Variants in DDX1 observed in about 807,000 individuals in gnomAD.
DDX1 encodes the protein DEAD-box helicase 1.
In DDX1, 28 loss-of-function variants were observed where a neutral mutation model predicts 108.7. That is an observed-to-expected ratio of 0.26 (90% CI 0.19 to 0.35). DDX1 has a LOEUF of 0.35. Among genes scored for constraint, DDX1 ranks in the 10% least tolerant of loss-of-function variants. DDX1 has a pLI of 1.00. For synonymous variants in DDX1, 295 were observed against 288.9 expected, an observed-to-expected ratio of 1.02 and a Z score of -0.21; for missense variants, 710 against 884.5, an observed-to-expected ratio of 0.80 and a Z score of 2.50.
Position 15,613,227 on chromosome 2 carries a change from G to A in DDX1, c.960G>A (p.Glu320=). Residue 320 remains glutamate, a synonymous_variant, in exon 14 of 26, where the codon GAG becomes GAA. Coordinates refer to ENST00000233084, the MANE Select transcript of DDX1 (RefSeq NM_004939.3). ...ATCATCTTGATATTTATTTCAGGGA[G>A]CTTCTGATAATTGGAGGTGTTGCAG... ...KKYIDNPKLR[E]LLIIGGVAAR... is the part of the protein sequence containing the mutation. 2 of 1,590,016 alleles carry A rather than the reference G, an allele frequency of 1.3e-6. No homozygotes were observed. The highest frequency in any genetic ancestry group is 1.7e-6 in the Non-Finnish European group (2 of 1,169,362).
chr2:15,608,154 G>C (rs1665695323), intron 13 of DDX1, among the ~76,000 whole-genome samples: 1 of 152,106 alleles, frequency 6.6e-6, no homozygotes, highest in Non-Finnish European at 1.5e-5. Flanking sequence ...TAGTCAATTT[G>C]ACACTTGATT....
intron 13 of DDX1, among the ~76,000 whole-genome samples, chr2:15,611,394 G>A (rs1381767173): frequency 6.6e-6 from 1 of 150,906 alleles, no homozygotes; most frequent in African/African-American, 2.5e-5. Context: ...TCAATGAGCT[G>A]CCGGGCACAC....
At chr2:15,620,580 G>A (rs889588275) in intron 17 of DDX1, among the ~76,000 whole-genome samples, 184 bp downstream of exon 17, 1 of 152,106 alleles carries the variant, frequency 6.6e-6, no homozygotes, top group African/African-American at 2.4e-5. Flanking sequence ...TTGTTTTTCT[G>A]TCTTCGTAAT....
At chr2:15,620,451 G>A (rs1665984317) in intron 17 of DDX1, 55 bp downstream of exon 17, 4 of 1,398,258 alleles carry the variant, frequency 2.9e-6, no homozygotes, top group Admixed American at 2.2e-5. Context: ...TATAAACTAG[G>A]TCAGCCTTGG....
intron 8 of DDX1, 142 bp downstream of exon 8, chr2:15,603,417 C>G (rs1001226047): frequency 1.7e-5 from 11 of 647,354 alleles, no homozygotes; most frequent in African/African-American, 7.4e-5. Context: ...TGTACCCCAC[C>G]CTGTTCCAAA....
chr2:15,621,123 TA>T lies in DDX1; in HGVS notation c.1447+11del. ...CCTGGTGCTAATAGTCCAGGTGAGT[TA>T]AAAGAGTCAAATGTGTTGAAAGATT... On this transcript the variant is annotated splice_region_variant and intron_variant, in intron 18 of 25. Transcript: ENST00000233084. 1 of 1,597,048 alleles carries T rather than the reference TA, an allele frequency of 6.3e-7. No homozygotes were observed.
intron 24 of DDX1, 104 bp from the exon 25 acceptor site, chr2:15,629,886 A>G: frequency 4.9e-6 from 6 of 1,219,030 alleles, no homozygotes; most frequent in Non-Finnish European, 6.9e-6. Flanking sequence ...TCTGACTTCC[A>G]TTTATACCAA....
chr2:15,624,316 C>A (rs1666062450), intron 19 of DDX1, among the ~76,000 whole-genome samples: 2 of 152,088 alleles, frequency 1.3e-5, no homozygotes, highest in Non-Finnish European at 2.9e-5. Flanking sequence ...ATCCAAGCTA[C>A]AATGGAAGTA....
At chr2:15,596,134 G>C (rs1665493525) in intron 3 of DDX1, among the ~76,000 whole-genome samples, 1 of 152,084 alleles carries the variant, frequency 6.6e-6, no homozygotes, top group Admixed American at 6.6e-5. Flanking sequence ...CGATCCTCCT[G>C]TCTTGGCCTC....
rs537023761 is a variant in DDX1, at chr2:15,630,898, A to T, written c.2215A>T (p.Thr739Ser). ...CTACCTTCCTAACCAGCTGTTCAGA[A>T]CCTTCTGATTTTTACATTTACTGAA... ...LGYLPNQLFRTF is the reference protein window; with the variant it reads ...LGYLPNQLFRSF The change falls in exon 26 of 26, where the codon ACC becomes TCC. Residue 739 changes from threonine to serine, a missense_variant. Transcript: ENST00000233084. The T allele has an allele frequency of 1.2e-6, 2 of 1,613,908 alleles. No individual in the cohort carries two copies. Among genetic ancestry groups the T allele is most frequent in the Non-Finnish European group, 1.7e-6 (2 of 1,179,864 alleles).
intron 15 of DDX1, 27 bp downstream of exon 15, chr2:15,617,369 TA>T (rs1279886914): frequency 2.2e-6 from 3 of 1,389,292 alleles, no homozygotes; most frequent in Non-Finnish European, 3.0e-6. Flanking sequence ...TCATACTTTT[TA>T]AAAAGTTTAC....
At chr2:15,603,939 C>A in intron 9 of DDX1, 49 bp downstream of exon 9, 1 of 1,192,180 alleles carries the variant, frequency 8.4e-7, no homozygotes, top group Non-Finnish European at 1.2e-6. Flanking sequence ...AGTTTTCTTG[C>A]ATACTTAATC....
At chr2:15,615,077 A>T (rs1665871197) in intron 14 of DDX1, among the ~76,000 whole-genome samples, 1 of 152,148 alleles carries the variant, frequency 6.6e-6, no homozygotes, top group South Asian at 2.1e-4. Context: ...TATGATCTTT[A>T]TCTGTTCTTC....
Position 15,596,723 on chromosome 2 carries a change from C to T in DDX1, c.133-11C>T. On this transcript the variant is annotated splice_polypyrimidine_tract_variant and intron_variant, in intron 3 of 25. Coordinates refer to ENST00000233084, the MANE Select transcript of DDX1 (RefSeq NM_004939.3). The stretch of plus-strand genomic sequence containing the variant: ...TTAATCTGTAAAATCAACTTTTTTC[C>T]CCTCATTCAGGCTGCAGAAACAGGA... The T allele has an allele frequency of 6.2e-7, 1 of 1,609,188 alleles. No individual in the cohort carries two copies. The highest frequency in any genetic ancestry group is 1.3e-5 in the African/African-American group (1 of 74,872).
chr2:15,608,295 G>A (rs577251664), intron 13 of DDX1, among the ~76,000 whole-genome samples: 17 of 152,214 alleles, frequency 1.1e-4, no homozygotes, highest in African/African-American at 3.6e-4. Context: ...TTGGGGGGCC[G>A]AGGTGGGCGG....
chr2:15,620,488 G>A (rs1370029542), intron 17 of DDX1, 92 bp downstream of exon 17: 3 of 950,430 alleles, frequency 3.2e-6, no homozygotes, highest in Middle Eastern at 2.9e-4. Flanking sequence ...AAGGCAATCA[G>A]TTATTGTATC....
Position 15,629,708 on chromosome 2 carries a change from G to C in DDX1, c.1971+11G>C. ...TACAACGAGATGCAGGTAAGACTTC[G>C]AGTTAGGCTCACAAATAATGTATTA... is the stretch of plus-strand genomic sequence containing the variant. On this transcript the variant is annotated intron_variant, in intron 24 of 25. Coordinates refer to ENST00000233084, the MANE Select transcript of DDX1 (RefSeq NM_004939.3). 6.5e-7 allele frequency: 1 copy of C among 1,527,748 alleles called. No homozygotes were observed. 94.6% of individuals were successfully genotyped at this position (1,527,748 alleles called of 1,614,324 possible). A position where few individuals can be genotyped will look rare whatever the true frequency, so the allele number is the denominator to read the frequency against.
chr2:15,592,879 A>T (rs983369712), intron 1 of DDX1, among the ~76,000 whole-genome samples: 1 of 130,084 alleles, frequency 7.7e-6, no homozygotes, highest in Non-Finnish European at 1.5e-5. Flanking sequence ...TAGGAATTCC[A>T]TATCTCCAGT....
At position 15,603,868 on chromosome 2, in the gene DDX1, A is replaced by G; in HGVS notation, c.530A>G (p.Lys177Arg). The change falls in exon 9 of 26, where the codon AAA (lysine) becomes AGA (arginine). Residue 177 changes from lysine (K) to arginine (R), a missense_variant. Lys to Arg is a conservative substitution (Grantham distance 26, BLOSUM62 2). This residue lies in a region of DDX1 where 661 missense variants were observed against 810.2 expected (regional missense o/e 0.82). Coordinates refer to ENST00000233084, the MANE Select transcript of DDX1 (RefSeq NM_004939.3). ...FGGTGKKSHN[K>R]QFDNYGEEFT... ...GGAACAGGAAAGAAATCCCATAACA[A>G]ACAATTTGATAATTATGGAGAGGTA... The G allele has an allele frequency of 6.2e-7, 1 of 1,611,882 alleles. No individual in the cohort carries two copies. The highest frequency in any genetic ancestry group is 8.5e-7 in the Non-Finnish European group (1 of 1,178,788).
Sources: gnomAD v4.1 joint callset for allele counts (sites outside exome capture counted in the v4.1 genomes callset) on GRCh38, gnomAD v4.1.1 for gene constraint, gnomAD v4.1.1 regional missense constraint, MANE v1.5 for transcripts, NCBI Gene and HGNC (gene_info 2026-07-23, HGNC 2026-07-21) for gene names.